Variants in PARN observed in about 807,000 individuals in gnomAD.
PARN encodes the protein poly(A)-specific ribonuclease.
PARN carries 71 observed loss-of-function variants against 102.8 expected under a neutral mutation model. The observed-to-expected ratio is 0.69, with a 90% confidence interval of 0.57 to 0.84. The LOEUF is 0.84. PARN is among the 40% of genes least tolerant of loss of function. The pLI, the probability that PARN is intolerant of heterozygous loss-of-function variation, is 0.00. For synonymous variants in PARN, 261 were observed against 252.9 expected, an observed-to-expected ratio of 1.03 and a Z score of -0.30; for missense variants, 782 against 760.9, an observed-to-expected ratio of 1.03 and a Z score of -0.33.
At chr16:14,517,994 T>C (rs2151646958) in intron 21 of PARN, among the ~76,000 whole-genome samples, 2 of 152,110 alleles carry the variant, frequency 1.3e-5, no homozygotes, top group South Asian at 4.2e-4. Context: ...AACCAGATGT[T>C]GAGGGGGTGT....
intron 12 of PARN, among the ~76,000 whole-genome samples, chr16:14,597,942 G>A (rs1183378568): frequency 1.3e-5 from 2 of 152,046 alleles, no homozygotes; most frequent in Non-Finnish European, 1.5e-5. Context: ...TCAGGAGTTC[G>A]AGGCCAGCCT....
At chr16:14,571,294 T>C (rs922105212) in intron 18 of PARN, among the ~76,000 whole-genome samples, 8 of 149,906 alleles carry the variant, frequency 5.3e-5, no homozygotes, top group African/African-American at 7.4e-5. Context: ...GAGGCAGAGA[T>C]TGCAGTGAGC....
At chr16:14,548,672 A>T (rs1232222289) in intron 21 of PARN, among the ~76,000 whole-genome samples, 2 of 152,088 alleles carry the variant, frequency 1.3e-5, no homozygotes, top group Admixed American at 6.6e-5. Flanking sequence ...AAAACATCAG[A>T]GGCCGGGTGC....
At chr16:14,536,551 A>C (rs1053334522) in intron 21 of PARN, among the ~76,000 whole-genome samples, 11 of 152,204 alleles carry the variant, frequency 7.2e-5, no homozygotes, top group African/African-American at 1.2e-4. Context: ...CTGCTTTCTA[A>C]AGTGTGCTGT....
At chr16:14,589,373 G>A (rs989325921) in intron 13 of PARN, among the ~76,000 whole-genome samples, 1 of 151,348 alleles carries the variant, frequency 6.6e-6, no homozygotes, top group Non-Finnish European at 1.5e-5. Context: ...AGAGCAGCCT[G>A]GGCAAATGGT....
chr16:14,437,767 T>C (rs556814757), intron 23 of PARN, among the ~76,000 whole-genome samples: 3 of 152,330 alleles, frequency 2.0e-5, no homozygotes, highest in South Asian at 4.1e-4. Context: ...TCTTTGATGA[T>C]ACCTCCAATG....
At chr16:14,621,890 T>C (rs764015547) in intron 5 of PARN, among the ~76,000 whole-genome samples, 3 of 151,698 alleles carry the variant, frequency 2.0e-5, no homozygotes, top group African/African-American at 2.4e-5. Flanking sequence ...AAATGTAACA[T>C]GTTCAAGATT....
chr16:14,447,569 C>A (rs898886495), intron 22 of PARN, among the ~76,000 whole-genome samples: 2 of 152,194 alleles, frequency 1.3e-5, no homozygotes, highest in Non-Finnish European at 2.9e-5. Flanking sequence ...ACAGAGCATA[C>A]CCCACCTTCA....
At chr16:14,499,633 G>A (rs949576304) in intron 21 of PARN, among the ~76,000 whole-genome samples, 2 of 152,182 alleles carry the variant, frequency 1.3e-5, no homozygotes, top group Admixed American at 1.3e-4. Flanking sequence ...TTCTAAAAGT[G>A]TAGAGCTTTT....
chr16:14,452,606 G>A (rs1961513234), intron 22 of PARN, among the ~76,000 whole-genome samples: 1 of 152,112 alleles, frequency 6.6e-6, no homozygotes, highest in East Asian at 1.9e-4. Flanking sequence ...CAAAGTGCTG[G>A]GATTACAGGC....
chr16:14,586,800 T>C (rs1194652193), intron 13 of PARN, among the ~76,000 whole-genome samples: 1 of 152,186 alleles, frequency 6.6e-6, no homozygotes, highest in Non-Finnish European at 1.5e-5. Flanking sequence ...GAAATGGGCA[T>C]ACTGTAAACT....
chr16:14,542,410 C>T (rs140752581), intron 21 of PARN, among the ~76,000 whole-genome samples: 2 of 150,974 alleles, frequency 1.3e-5, no homozygotes, highest in Admixed American at 1.3e-4. Context: ...CAGCCTCAAA[C>T]TGGGCTCAAG....
chr16:14,450,996 C>A (rs144992190), intron 22 of PARN, among the ~76,000 whole-genome samples: 1 of 152,140 alleles, frequency 6.6e-6, no homozygotes, highest in East Asian at 1.9e-4. Flanking sequence ...CCACTATAAA[C>A]CTAAATTTAA....
intron 2 of PARN, 78 bp from the exon 3 acceptor site, chr16:14,628,329 C>A: frequency 1.3e-6 from 1 of 780,094 alleles, no homozygotes. Flanking sequence ...TTCAGTGCCT[C>A]TATAATGTCG....
chr16:14,593,372 G>C lies in PARN; in HGVS notation c.847C>G (p.Leu283Val). ...AAGAGCATATTGTGTCCAATAACAA[G>C]TTTTCCCTAAAGAAAGTCAAGGTTA... ...VIHAIANSGK[L>V]VIGHNMLLDV... Residue 283 changes from leucine (L) to valine (V), a missense_variant, in exon 13 of 24, where the codon CTT becomes GTT. Transcript: ENST00000437198. 6.3e-7 allele frequency: 1 copy of C among 1,587,410 alleles called. No homozygotes were observed. Among genetic ancestry groups the C allele is most frequent in the Non-Finnish European group, 8.6e-7 (1 of 1,156,618 alleles).
chr16:14,557,489 G>A (rs771833653), intron 18 of PARN, among the ~76,000 whole-genome samples: 1 of 150,596 alleles, frequency 6.6e-6, no homozygotes, highest in Non-Finnish European at 1.5e-5. Context: ...CCATGGAGGC[G>A]GAGGTTGCAG....
rs1259011890 is a variant in PARN at position 14,610,694 on chromosome 16, T to C, written c.504A>G (p.Lys168=). The C allele has an allele frequency of 6.2e-7, 1 of 1,610,822 alleles. No homozygotes were observed. The highest frequency in any genetic ancestry group is 8.5e-7 in the Non-Finnish European group (1 of 1,177,046). Residue 168 remains lysine (K), a synonymous_variant, in exon 7 of 24, where the codon AAA becomes AAG. Coordinates refer to ENST00000437198, the MANE Select transcript of PARN (RefSeq NM_002582.4). ...ALSYVSPNTS[K]CPVTIPEDQK... ...GATCCTCAGGAATCGTGACAGGACA[T>C]TTTGAAGTGTTAGGAGATACATAGG... is the stretch of plus-strand genomic sequence containing the variant.
At chr16:14,624,247 C>T (rs1972503322) in intron 5 of PARN, among the ~76,000 whole-genome samples, 1 of 152,164 alleles carries the variant, frequency 6.6e-6, no homozygotes, top group African/African-American at 2.4e-5. Context: ...TTAATAACTC[C>T]AGAAACTAAT....
chr16:14,569,957 C>T (rs917053021), intron 18 of PARN, among the ~76,000 whole-genome samples: 2 of 152,124 alleles, frequency 1.3e-5, no homozygotes, highest in South Asian at 2.1e-4. Context: ...AAATTAATAA[C>T]GTAATATGCC....
Sources: gnomAD v4.1 joint callset for allele counts (sites outside exome capture counted in the v4.1 genomes callset) on GRCh38, gnomAD v4.1.1 for gene constraint, MANE v1.5 for transcripts, NCBI Gene and HGNC (gene_info 2026-07-23, HGNC 2026-07-21) for gene names.